NLGN4X: variants seen among roughly 807,000 people sequenced by gnomAD.
The protein encoded by NLGN4X is neuroligin 4 X-linked.
NLGN4X carries 3 observed loss-of-function variants against 40.3 expected under a neutral mutation model. The ratio of observed to expected loss-of-function variants is 0.07; its 90% CI spans 0.03 to 0.19. The LOEUF (loss-of-function observed/expected upper bound fraction) is 0.19. Among genes scored for constraint, NLGN4X ranks in the 10% least tolerant of loss-of-function variants. The probability of loss-of-function intolerance (pLI) is 1.00; values close to 1 mark genes in which losing one functional copy is unlikely to be tolerated. For synonymous variants in NLGN4X, 270 were observed against 306.8 expected, an observed-to-expected ratio of 0.88 and a Z score of 1.25; for missense variants, 382 against 708.3, an observed-to-expected ratio of 0.54 and a Z score of 5.23.
intron 2 of NLGN4X, among the ~76,000 whole-genome samples, chrX:6,036,664 A>G: frequency 9.1e-6 from 1 of 109,337 alleles, no homozygotes; most frequent in East Asian, 2.9e-4. Flanking sequence ...AAACCTAGGT[A>G]GGCTGTGAGT....
intron 2 of NLGN4X, among the ~76,000 whole-genome samples, chrX:6,103,013 A>C (rs916402773): frequency 9.0e-6 from 1 of 111,497 alleles, no homozygotes; most frequent in Non-Finnish European, 1.9e-5. Flanking sequence ...CTGTTTTGGG[A>C]AATTACTAAG....
intron 3 of NLGN4X, among the ~76,000 whole-genome samples, chrX:5,951,925 C>A (rs5961897): frequency 0.29 from 32,475 of 111,334 alleles, 4,172 homozygotes; most frequent in Middle Eastern, 0.57. Context: ...TGGAGATATC[C>A]TCTGCATTCA....
intron 3 of NLGN4X, among the ~76,000 whole-genome samples, chrX:5,939,023 T>C (rs1402342582): frequency 2.7e-5 from 3 of 109,365 alleles, no homozygotes; most frequent in Non-Finnish European, 3.8e-5. Flanking sequence ...CGAAGCTTGG[T>C]TTTGCATTAT....
intron 3 of NLGN4X, among the ~76,000 whole-genome samples, chrX:5,959,114 C>T (rs144494724): frequency 0.021 from 2,311 of 112,008 alleles, 64 homozygotes; most frequent in African/African-American, 0.071. Flanking sequence ...TCATATGTCT[C>T]CTTCCATAAA....
intron 2 of NLGN4X, among the ~76,000 whole-genome samples, chrX:6,143,488 T>C (rs1056409467): frequency 8.9e-6 from 1 of 112,439 alleles, no homozygotes; most frequent in Non-Finnish European, 1.9e-5. Context: ...AGTGAAACTC[T>C]GTGGAGACAG....
In NLGN4X at chrX:6,120,122, C is replaced by A. The variant is rs369844922; in HGVS notation, c.472+30873G>T. 7.5e-4 allele frequency among the ~76,000 whole-genome samples: 83 copies of A among 111,189 alleles called. 2 individuals carry two copies. In the East Asian group the frequency reaches 0.013, roughly 18 times the overall value. ...CACTGAAGCCCGAAGCTGCAATGAG[C>A]CATGATTGCACCACTGCGCTCAGCC... On this transcript the variant is annotated intron_variant, in intron 2 of 5. Coordinates refer to ENST00000381095, the MANE Select transcript of NLGN4X (RefSeq NM_181332.3).
intron 1 of NLGN4X, among the ~76,000 whole-genome samples, chrX:6,220,068 A>G (rs1429463229): frequency 1.8e-5 from 2 of 109,219 alleles, no homozygotes; most frequent in Non-Finnish European, 3.8e-5. Context: ...TATTTCCTAT[A>G]TTCTTTTTAA....
chrX:5,895,591 TATGTC>T (rs1404026036), intron 5 of NLGN4X, among the ~76,000 whole-genome samples: 2 of 111,213 alleles, frequency 1.8e-5, no homozygotes, highest in Non-Finnish European at 3.8e-5. Flanking sequence ...TATATATATG[TATGTC>T]ATGTGTATAT....
At chrX:6,051,675 G>A (rs760365341) in intron 2 of NLGN4X, among the ~76,000 whole-genome samples, 2 of 111,012 alleles carry the variant, frequency 1.8e-5, no homozygotes, top group Admixed American at 1.9e-4. Flanking sequence ...AGAACCGGGA[G>A]AGAATATATT....
At chrX:5,984,755 T>C (rs2035483161) in intron 3 of NLGN4X, among the ~76,000 whole-genome samples, 1 of 112,026 alleles carries the variant, frequency 8.9e-6, no homozygotes, top group African/African-American at 3.2e-5. Context: ...AAAGAAGTAA[T>C]TGCAAATTAA....
At chrX:6,062,901 G>A (rs2037806095) in intron 2 of NLGN4X, among the ~76,000 whole-genome samples, 1 of 110,614 alleles carries the variant, frequency 9.0e-6, no homozygotes, top group African/African-American at 3.3e-5. Flanking sequence ...TATCTTTATT[G>A]GCAGCTTGAG....
chrX:5,981,566 G>C (rs1412304965), intron 3 of NLGN4X, among the ~76,000 whole-genome samples: 1 of 107,897 alleles, frequency 9.3e-6, no homozygotes, highest in Non-Finnish European at 1.9e-5. Flanking sequence ...AAACATTCCA[G>C]AGTCAAATAT....
At position 6,021,000 on chromosome X, in the gene NLGN4X, T is replaced by TTTTCTTTC. The variant is rs1306742830; in HGVS notation, c.625+8279_625+8280insGAAAGAAA. ...CTAATTTTTTCTTTTTCCTTCCTTC[T>TTTTCTTTC]TTTCTCTCTCTCTCTCTCTCTCTCT... is the stretch of plus-strand genomic sequence containing the variant. On this transcript the variant is annotated intron_variant, in intron 3 of 5. Transcript: ENST00000381095. Among the ~76,000 whole-genome samples, 356 of 50,232 alleles carry TTTTCTTTC rather than the reference T, an allele frequency of 7.1e-3. 9 individuals are homozygous for TTTTCTTTC. Among genetic ancestry groups the TTTTCTTTC allele is most frequent in the East Asian group, 0.025 (20 of 794 alleles). 43.6% of individuals were successfully genotyped at this position (50,232 alleles called of 115,157 possible).
chrX:6,135,457 G>C (rs1412495200), intron 2 of NLGN4X, among the ~76,000 whole-genome samples: 1 of 111,628 alleles, frequency 9.0e-6, no homozygotes, highest in African/African-American at 3.3e-5. Flanking sequence ...ATTCTTTCTT[G>C]TTTGGTACTA....
At position 6,225,208 on chromosome X, in the gene NLGN4X, T is replaced by G. The variant is rs1176302640; in HGVS notation, c.-306+3333A>C. ...AGGATACACAGAAATTCCATATTTTTTTCTGGAAATACAGGGATTAATGCA... is the reference window on the plus strand; with the variant it reads ...AGGATACACAGAAATTCCATATTTTGTTCTGGAAATACAGGGATTAATGCA... On this transcript the variant is annotated intron_variant, in intron 1 of 5. Coordinates refer to ENST00000381095, the MANE Select transcript of NLGN4X (RefSeq NM_181332.3). Among the ~76,000 whole-genome samples, 4 of 106,951 alleles carry G rather than the reference T, an allele frequency of 3.7e-5. No homozygotes were observed. The Admixed American group carries it at 4.0e-4, about 11-fold the overall frequency. The allele number at this position is 106,951 out of a possible 115,157, so 92.9% of individuals were successfully genotyped here. A position where few individuals can be genotyped will look rare whatever the true frequency, so the allele number is the denominator to read the frequency against.
At chrX:6,103,033 A>G (rs2038952844) in intron 2 of NLGN4X, among the ~76,000 whole-genome samples, 2 of 111,891 alleles carry the variant, frequency 1.8e-5, no homozygotes, top group African/African-American at 6.5e-5. Flanking sequence ...GTTTGAAAAC[A>G]CAACAGCACT....
At chrX:6,102,383 T>C (rs949448948) in intron 2 of NLGN4X, among the ~76,000 whole-genome samples, 2 of 111,135 alleles carry the variant, frequency 1.8e-5, no homozygotes, top group African/African-American at 3.3e-5. Flanking sequence ...GTCATGACAG[T>C]GGAGTTTCAT....
At chrX:6,209,924 C>G (rs1924415144) in intron 1 of NLGN4X, among the ~76,000 whole-genome samples, 1 of 112,420 alleles carries the variant, frequency 8.9e-6, no homozygotes, top group South Asian at 3.7e-4. Flanking sequence ...TATCAGAGTT[C>G]ACTGCAGCCT....
At chrX:6,227,439 C>T (rs1375442786) in intron 1 of NLGN4X, among the ~76,000 whole-genome samples, 1 of 108,889 alleles carries the variant, frequency 9.2e-6, no homozygotes, top group African/African-American at 3.4e-5. Context: ...GTCCTCGCAG[C>T]TTCCAACTTT....
Sources: allele counts gnomAD v4.1 joint callset (sites outside exome capture counted in the v4.1 genomes callset), GRCh38; gene constraint gnomAD v4.1.1; transcripts MANE v1.5; gene names NCBI Gene and HGNC (gene_info 2026-07-23, HGNC 2026-07-21).